Variants in ISG20 observed in about 807,000 individuals in gnomAD.
ISG20 encodes the protein interferon stimulated exonuclease gene 20, also known as interferon-stimulated gene 20 kDa protein.
ISG20 carries 8 observed loss-of-function variants against 11.1 expected under a neutral mutation model. The ratio of observed to expected loss-of-function variants is 0.72; its 90% CI spans 0.42 to 1.30. The LOEUF is 1.30. Among genes scored for constraint, ISG20 ranks in the 50% most tolerant of loss-of-function variants. The probability of loss-of-function intolerance (pLI) is 0.01; values close to 1 mark genes in which losing one functional copy is unlikely to be tolerated. For synonymous variants in ISG20, 110 were observed against 101.7 expected (o/e 1.08, Z -0.49); for missense variants, 243 against 250.2 (o/e 0.97, Z 0.19).
At chr15:88,645,312 C>G (rs1335888412) in intron 2 of ISG20, among the ~76,000 whole-genome samples, 3 of 152,184 alleles carry the variant, frequency 2.0e-5, no homozygotes, top group Admixed American at 2.0e-4. Context: ...GACTGTGGCC[C>G]TAAGCGCGGT....
chr15:88,650,203 C>A lies in ISG20; in HGVS notation c.229-1907C>A. The A allele has an allele frequency of 6.6e-7, 1 of 1,522,542 alleles. No individual in the cohort carries two copies. The highest frequency in any genetic ancestry group is 8.8e-7 in the Non-Finnish European group (1 of 1,134,926). The allele number at this position is 1,522,542 out of a possible 1,614,324, so 94.3% of individuals were successfully genotyped here. ...GGACTAGCCACGAGCCGCCCCTTTC[C>A]CTAATAGAGCTCACATCTGTTCTAT... On this transcript the variant is annotated intron_variant, in intron 2 of 3. Coordinates refer to ENST00000306072, the MANE Select transcript of ISG20 (RefSeq NM_002201.6). The surrounding 1 kb of genome is among the most constrained non-coding windows in gnomAD (Gnocchi z 4.0).
At chr15:88,647,593 G>C (rs182715663) in intron 2 of ISG20, 1 of 152,214 alleles carries the variant, frequency 6.6e-6, no homozygotes, top group Admixed American at 6.5e-5. Context: ...GGAGACTGGC[G>C]TCCAGAGAGG....
chr15:88,652,699 G>A (rs937756574), intron 3 of ISG20, among the ~76,000 whole-genome samples: 1 of 144,710 alleles, frequency 6.9e-6, no homozygotes, highest in Non-Finnish European at 1.5e-5. Context: ...ATTGATGGTA[G>A]GTCCTGCTGT....
chr15:88,650,507 T>C lies in ISG20; in HGVS notation c.229-1603T>C, dbSNP rs2058255587. ...CCGTGTGACTGTCCCAGTTATCAAA[T>C]GGTGCTTGGCAAATCACACCAAAAC... On this transcript the variant is annotated intron_variant, in intron 2 of 3. Coordinates refer to ENST00000306072, the MANE Select transcript of ISG20 (RefSeq NM_002201.6). This position sits in a 1 kb window ranked among gnomAD's most constrained non-coding sequence, Gnocchi z 4.0. The C allele has an allele frequency of 3.6e-6, 5 of 1,380,516 alleles. No individual in the cohort carries two copies. Among genetic ancestry groups the C allele is most frequent in the East Asian group, 5.3e-5 (2 of 37,792 alleles). 85.5% of individuals were successfully genotyped at this position (1,380,516 alleles called of 1,614,324 possible).
In ISG20 at chr15:88,639,288, C is replaced by A. The variant is rs1567112583; in HGVS notation, c.-24-55C>A. On this transcript the variant is annotated intron_variant, in intron 1 of 3. Transcript: ENST00000306072. This position sits in a 1 kb window ranked among gnomAD's most constrained non-coding sequence, Gnocchi z 4.2. ...GGCCAGCTGGGGTTGGCTGAGGACA[C>A]CTGGAGGCTTGGTTTGCCCAAGCGT... 1 of 1,153,948 alleles carries A rather than the reference C, an allele frequency of 8.7e-7. No individual in the cohort carries two copies. The highest frequency in any genetic ancestry group is 1.2e-6 in the Non-Finnish European group (1 of 813,940). 71.5% of individuals were successfully genotyped at this position (1,153,948 alleles called of 1,614,324 possible). A position where few individuals can be genotyped will look rare whatever the true frequency, so the allele number is the denominator to read the frequency against.
chr15:88,643,318 T>C lies in ISG20; in HGVS notation c.228+3724T>C, dbSNP rs940681289. On this transcript the variant is annotated intron_variant, in intron 2 of 3. Coordinates refer to ENST00000306072, the MANE Select transcript of ISG20 (RefSeq NM_002201.6). The surrounding 1 kb of genome is among the most constrained non-coding windows in gnomAD (Gnocchi z 4.4). ...TATTGATTACCTGTTGAAATGATAG[T>C]ATTTTGGATATGTTAGGTTAAATAA... Among the ~76,000 whole-genome samples, 5 of 152,224 alleles carry C rather than the reference T, an allele frequency of 3.3e-5. No homozygotes were observed. The highest frequency in any genetic ancestry group is 5.9e-5 in the Non-Finnish European group (4 of 68,040).
chr15:88,649,907 T>A, intron 2 of ISG20: 1 of 338,486 alleles, frequency 3.0e-6, no homozygotes, highest in Non-Finnish European at 5.7e-6. Context: ...ACACTGCCTG[T>A]TGACAGTGGA....
chr15:88,653,044 G>A (rs1450582637), intron 3 of ISG20, among the ~76,000 whole-genome samples: 2 of 152,126 alleles, frequency 1.3e-5, no homozygotes, highest in Non-Finnish European at 2.9e-5. Flanking sequence ...CCTGTGGGAA[G>A]GGCAGAGGGA....
At chr15:88,646,185 T>C (rs550308725) in intron 2 of ISG20, among the ~76,000 whole-genome samples, 99 of 152,294 alleles carry the variant, frequency 6.5e-4, no homozygotes, top group African/African-American at 2.4e-3. Flanking sequence ...TGTGCTCCCC[T>C]AAGTAGGATC....
rs1199481246 is a variant in ISG20 at position 88,643,618 on chromosome 15, C to T, written c.228+4024C>T. ...ACTCAGGAGGCTGACGCAGGAGAAT[C>T]GCTTAAACCCAGGAGGCGGAAGTTG... On this transcript the variant is annotated intron_variant, in intron 2 of 3. Coordinates refer to ENST00000306072, the MANE Select transcript of ISG20 (RefSeq NM_002201.6). This position sits in a 1 kb window ranked among gnomAD's most constrained non-coding sequence, Gnocchi z 4.4. Among the ~76,000 whole-genome samples the T allele has an allele frequency of 1.3e-5, 2 of 152,208 alleles. No individual in the cohort carries two copies. The highest frequency in any genetic ancestry group is 1.9e-4 in the East Asian group (1 of 5,170).
In ISG20 at chr15:88,650,327, G is replaced by A. The variant is rs1221816475; in HGVS notation, c.229-1783G>A. The A allele has an allele frequency of 1.2e-5, 18 of 1,535,430 alleles. No individual in the cohort carries two copies. The highest frequency in any genetic ancestry group is 1.7e-4 in the Middle Eastern group (1 of 6,002). ...AGGGCAGGCTGTCCATGTGGGAGGC[G>A]AGGCGAGGAACGCGGGGCTGGGGCA... On this transcript the variant is annotated intron_variant, in intron 2 of 3. Coordinates refer to ENST00000306072, the MANE Select transcript of ISG20 (RefSeq NM_002201.6). The surrounding 1 kb of genome is among the most constrained non-coding windows in gnomAD (Gnocchi z 4.0).
chr15:88,651,518 C>G (rs1436584982), intron 2 of ISG20: 1 of 180,288 alleles, frequency 5.5e-6, no homozygotes, highest in African/African-American at 2.4e-5. Context: ...CACGGCCCCT[C>G]CCTCCATCTT....
chr15:88,654,960 T>C (rs2058350385), intron 3 of ISG20, among the ~76,000 whole-genome samples: 1 of 152,158 alleles, frequency 6.6e-6, no homozygotes, highest in Non-Finnish European at 1.5e-5. Flanking sequence ...TAGCTGCACA[T>C]GCTCTCCCTG....
In ISG20 at chr15:88,653,783, G is replaced by A. The variant is rs1034917321; in HGVS notation, c.429+1473G>A. 1.9e-4 allele frequency among the ~76,000 whole-genome samples: 29 copies of A among 149,146 alleles called. No homozygotes were observed. The East Asian group carries it at 3.8e-3, about 20-fold the overall frequency. On this transcript the variant is annotated intron_variant, in intron 3 of 3. Coordinates refer to ENST00000306072, the MANE Select transcript of ISG20 (RefSeq NM_002201.6). ...CCAGAACTGACCCACAGGACACAAGGAGCTAACATGGTAGAGCTGTCACAG... is the reference window on the plus strand; with the variant it reads ...CCAGAACTGACCCACAGGACACAAGAAGCTAACATGGTAGAGCTGTCACAG...
chr15:88,642,901 C>T (rs2058106944), intron 2 of ISG20, among the ~76,000 whole-genome samples: 1 of 152,064 alleles, frequency 6.6e-6, no homozygotes, highest in Non-Finnish European at 1.5e-5. Context: ...CAGCCATGAG[C>T]CACTGCATCT....
chr15:88,639,171 C>A lies in ISG20; in HGVS notation c.-25+95C>A, dbSNP rs150475129. On this transcript the variant is annotated intron_variant, in intron 1 of 3. Coordinates refer to ENST00000306072, the MANE Select transcript of ISG20 (RefSeq NM_002201.6). The surrounding 1 kb of genome is among the most constrained non-coding windows in gnomAD (Gnocchi z 4.2). ...GGCAGGCCAGAGGCCCTGGGACACA[C>A]GGGCAGGGTAAGGCAGGGGATGGGG... 1.0e-5 allele frequency: 6 copies of A among 596,992 alleles called. No homozygotes were observed. The highest frequency in any genetic ancestry group is 1.8e-5 in the Non-Finnish European group (6 of 336,116). The allele number at this position is 596,992 out of a possible 1,614,324, so 37.0% of individuals were successfully genotyped here.
chr15:88,642,248 G>T (rs2058094414), intron 2 of ISG20, among the ~76,000 whole-genome samples: 1 of 151,996 alleles, frequency 6.6e-6, no homozygotes, highest in African/African-American at 2.4e-5. Flanking sequence ...TTTTTCAAAG[G>T]ACACCAATCA....
intron 2 of ISG20, among the ~76,000 whole-genome samples, chr15:88,641,818 G>T (rs2058085772): frequency 6.6e-6 from 1 of 151,756 alleles, no homozygotes; most frequent in Non-Finnish European, 1.5e-5. Flanking sequence ...TTTTAGTAGA[G>T]ATGGGGTTTT....
At chr15:88,641,449 G>A (rs1020928309) in intron 2 of ISG20, among the ~76,000 whole-genome samples, 5 of 152,154 alleles carry the variant, frequency 3.3e-5, no homozygotes, top group African/African-American at 7.2e-5. Flanking sequence ...TGAGATCCAG[G>A]TGTCGCCCAG....
Sources: allele counts gnomAD v4.1 joint callset (sites outside exome capture counted in the v4.1 genomes callset), GRCh38; gene constraint gnomAD v4.1.1; non-coding constraint Gnocchi (gnomAD v3.1); transcripts MANE v1.5; gene names NCBI Gene and HGNC (gene_info 2026-07-23, HGNC 2026-07-21).